SLC24A2: variants seen among roughly 807,000 people sequenced by gnomAD.
SLC24A2 encodes the protein solute carrier family 24 member 2.
SLC24A2 carries 36 observed loss-of-function variants against 62.0 expected under a neutral mutation model. That is an observed-to-expected ratio of 0.58 (90% CI 0.44 to 0.77). The LOEUF (loss-of-function observed/expected upper bound fraction) is 0.77, where lower values mean the gene tolerates loss of function less well. Among genes scored for constraint, SLC24A2 ranks in the 30% least tolerant of loss-of-function variants. The pLI, the probability that SLC24A2 is intolerant of heterozygous loss-of-function variation, is 0.00. For missense variants in SLC24A2, 846 were observed against 817.9 expected (o/e 1.03, Z -0.42); for synonymous variants, 358 against 294.0 (o/e 1.22, Z -2.23).
At chr9:19,574,530 C>T (rs1181104211) in intron 6 of SLC24A2, among the ~76,000 whole-genome samples, 1 of 152,132 alleles carries the variant, frequency 6.6e-6, no homozygotes, top group East Asian at 1.9e-4. Flanking sequence ...AATACTACTA[C>T]TACTATTACT....
rs80143232 is a variant in SLC24A2 at position 19,596,801 on chromosome 9, A to T, written c.1129+428T>A. ...GTCTAGCTGGTTCTGGGTATAGAAG[A>T]TACTTCAGATCTTTCATTCCTTTGC... On this transcript the variant is annotated intron_variant, in intron 5 of 10. Coordinates refer to ENST00000341998, the MANE Select transcript of SLC24A2 (RefSeq NM_020344.4). Among the ~76,000 whole-genome samples, 785 of 152,314 alleles carry T rather than the reference A, an allele frequency of 5.2e-3. 8 individuals carry two copies. Among genetic ancestry groups the T allele is most frequent in the African/African-American group, 0.018 (751 of 41,574 alleles).
chr9:19,879,521 G>C, the SLC24A2 span, among the ~76,000 whole-genome samples: 1 of 152,150 alleles, frequency 6.6e-6, no homozygotes, highest in Non-Finnish European at 1.5e-5. Context: ...ATAAAGACTT[G>C]AATGTTAAAA....
the SLC24A2 span, among the ~76,000 whole-genome samples, chr9:20,141,518 G>C: frequency 1.3e-5 from 2 of 151,902 alleles, no homozygotes; most frequent in East Asian, 3.9e-4. Context: ...TCTGCTACCA[G>C]CTGACGGTAT....
chr9:19,729,057 T>G (rs1000903946), intron 2 of SLC24A2, among the ~76,000 whole-genome samples: 3 of 152,060 alleles, frequency 2.0e-5, no homozygotes, highest in Non-Finnish European at 2.9e-5. Context: ...AAATGTCTGG[T>G]GCATGAATAA....
At chr9:19,560,779 C>T (rs528141570) in intron 7 of SLC24A2, among the ~76,000 whole-genome samples, 21 of 152,142 alleles carry the variant, frequency 1.4e-4, no homozygotes, top group Non-Finnish European at 2.9e-4. Context: ...ATTGTGTTCA[C>T]TTAGTTTATT....
chr9:19,767,809 T>A (rs1446492990), intron 2 of SLC24A2, among the ~76,000 whole-genome samples: 1 of 152,214 alleles, frequency 6.6e-6, no homozygotes, highest in Admixed American at 6.5e-5. Context: ...AATCACTTGA[T>A]CTCTGTTTTA....
At chr9:19,709,698 C>T (rs1040277924) in intron 2 of SLC24A2, among the ~76,000 whole-genome samples, 5 of 135,740 alleles carry the variant, frequency 3.7e-5, no homozygotes, top group Non-Finnish European at 4.6e-5. Context: ...AGGTGCTGAA[C>T]AATGAGAACA....
intron 2 of SLC24A2, among the ~76,000 whole-genome samples, chr9:19,676,673 G>A (rs775977212): frequency 6.6e-6 from 1 of 152,118 alleles, no homozygotes; most frequent in African/African-American, 2.4e-5. Context: ...CCCTTGATTA[G>A]TGGAGATGTT....
chr9:19,976,132 C>T, the SLC24A2 span, among the ~76,000 whole-genome samples: 1 of 152,192 alleles, frequency 6.6e-6, no homozygotes, highest in Admixed American at 6.5e-5. Flanking sequence ...CATCTTCCTG[C>T]CTCAGCCTCC....
chr9:19,584,676 GGTTA>G lies in SLC24A2; in HGVS notation c.1130-7658_1130-7655del, dbSNP rs1306889822. The stretch of plus-strand genomic sequence containing the variant: ...TTAGGGTACATGTGCACATTGTGCA[GGTTA>G]GTTACATATGTATACATGTGCCATG... On this transcript the variant is annotated intron_variant, in intron 5 of 10. Transcript: ENST00000341998. 4.0e-5 allele frequency among the ~76,000 whole-genome samples: 6 copies of G among 151,726 alleles called. No homozygotes were observed. In the East Asian group the frequency reaches 1.2e-3, roughly 29 times the overall value.
chr9:19,769,348 G>C (rs1822614490), intron 2 of SLC24A2, among the ~76,000 whole-genome samples: 1 of 152,152 alleles, frequency 6.6e-6, no homozygotes, highest in Admixed American at 6.5e-5. Context: ...GGCCACCACT[G>C]TTACCCACCT....
chr9:19,518,888 T>C (rs1034111768), intron 10 of SLC24A2, among the ~76,000 whole-genome samples: 2 of 152,176 alleles, frequency 1.3e-5, no homozygotes, highest in African/African-American at 4.8e-5. Flanking sequence ...AAAGAACTTT[T>C]TGGAAAAGAA....
chr9:19,700,362 T>C (rs1460674664), intron 2 of SLC24A2, among the ~76,000 whole-genome samples: 1 of 152,178 alleles, frequency 6.6e-6, no homozygotes, highest in Admixed American at 6.5e-5. Flanking sequence ...CCACTCTTAC[T>C]CTGAAACAAG....
At chr9:19,967,797 A>G in the SLC24A2 span, 2 of 152,234 alleles carry the variant, frequency 1.3e-5, no homozygotes, top group Non-Finnish European at 2.9e-5. Flanking sequence ...ATGTCATTAG[A>G]CAAATGTTGC....
chr9:19,525,391 C>CTTTTTTTTTTTTTTTTTTTTT (rs572919824), intron 9 of SLC24A2, among the ~76,000 whole-genome samples: 1 of 76,374 alleles, frequency 1.3e-5, no homozygotes, highest in African/African-American at 5.7e-5. Flanking sequence ...TATTTCTTTA[C>CTTTTTTTTTTTTTTTTTTTTT]TTTTTTTTTT....
chr9:19,619,649 T>C lies in SLC24A2; in HGVS notation c.1013A>G (p.His338Arg). ...GATGCTATTCCTCATGAGACTGTTG[T>C]GGAGGGAGGCAGAGCTTCCACCTCG... ...LQRGGSSASL[H>R]NSLMRNSIFQ... Residue 338 changes from histidine to arginine, a missense_variant, in exon 4 of 11, where the codon CAC (histidine) becomes CGC (arginine). Transcript: ENST00000341998. 1 of 1,614,042 alleles carries C rather than the reference T, an allele frequency of 6.2e-7. No homozygotes were observed. Among genetic ancestry groups the C allele is most frequent in the Non-Finnish European group, 8.5e-7 (1 of 1,179,936 alleles).
chr9:20,257,243 C>T, the SLC24A2 span, among the ~76,000 whole-genome samples: 1 of 152,114 alleles, frequency 6.6e-6, no homozygotes, highest in South Asian at 2.1e-4. Flanking sequence ...GTGATAAATA[C>T]ATCATAAGAT....
At chr9:20,136,333 A>T in the SLC24A2 span, among the ~76,000 whole-genome samples, 1 of 152,186 alleles carries the variant, frequency 6.6e-6, no homozygotes, top group African/African-American at 2.4e-5. Flanking sequence ...TACTAAGAGG[A>T]TTCAAGAAAG....
the SLC24A2 span, among the ~76,000 whole-genome samples, chr9:19,854,957 T>A: frequency 3.9e-5 from 6 of 152,234 alleles, no homozygotes. Flanking sequence ...GAACTTGTTT[T>A]ATGAATCTGA....
Sources: allele counts gnomAD v4.1 joint callset (sites outside exome capture counted in the v4.1 genomes callset), GRCh38; gene constraint gnomAD v4.1.1; transcripts MANE v1.5; gene names NCBI Gene and HGNC (gene_info 2026-07-23, HGNC 2026-07-21).